The following BUD13 variants were observed in gnomAD, a reference collection of about 807,000 sequenced individuals.
BUD13 encodes BUD13 spliceosome associated protein.
In BUD13, 47 loss-of-function variants were observed where a neutral mutation model predicts 62.5. The ratio of observed to expected loss-of-function variants is 0.75; its 90% confidence interval spans 0.60 to 0.96. BUD13 has a LOEUF of 0.96. Among genes scored for constraint, BUD13 ranks in the 40% least tolerant of loss-of-function variants. BUD13 has a pLI of 0.00. For missense variants in BUD13, 821 were observed against 790.9 expected, an observed-to-expected ratio of 1.04 and a Z score of -0.46; for synonymous variants, 293 against 280.1, an observed-to-expected ratio of 1.05 and a Z score of -0.46.
At position 116,753,969 on chromosome 11, in the gene BUD13, G is replaced by A. The variant is rs143002536; in HGVS notation, c.1766+3177C>T. Reference sequence around the variant, plus strand: ...TACCTTATATAGCTACAGAATATACGTTCTCTTCAAGTGCAAAGGAAACAT... The same window carrying A: ...TACCTTATATAGCTACAGAATATACATTCTCTTCAAGTGCAAAGGAAACAT... On this transcript the variant is annotated intron_variant, in intron 9 of 9. Transcript: ENST00000260210. Among the ~76,000 whole-genome samples, 860 of 152,298 alleles carry A rather than the reference G, an allele frequency of 5.6e-3. 10 individuals are homozygous for A. The highest frequency in any genetic ancestry group is 0.02 in the African/African-American group (817 of 41,558).
intron 9 of BUD13, among the ~76,000 whole-genome samples, chr11:116,748,977 T>C (rs1338899241): frequency 1.2e-5 from 1 of 86,604 alleles, no homozygotes; most frequent in Non-Finnish European, 2.1e-5. Context: ...AGAGACTCTG[T>C]CTCAAAAAAA....
intron 4 of BUD13, among the ~76,000 whole-genome samples, chr11:116,761,938 T>C (rs892993467): frequency 2.0e-5 from 3 of 152,200 alleles, no homozygotes; most frequent in African/African-American, 7.2e-5. Flanking sequence ...GAAATCTATC[T>C]AGAAGTAGAT....
At chr11:116,751,080 C>A (rs1342819032) in intron 9 of BUD13, among the ~76,000 whole-genome samples, 1 of 152,234 alleles carries the variant, frequency 6.6e-6, no homozygotes, top group Non-Finnish European at 1.5e-5. Context: ...TGATCACTCA[C>A]ATCCTCCTAA....
Position 116,758,839 on chromosome 11 carries a change from G to A in BUD13, c.1360+235C>T, listed in dbSNP as rs150233369. Among the ~76,000 whole-genome samples, 2,562 of 151,640 alleles carry A rather than the reference G, an allele frequency of 0.017. 28 individuals carry two copies. The highest frequency in any genetic ancestry group is 0.048 in the Middle Eastern group (14 of 294). On this transcript the variant is annotated intron_variant, in intron 6 of 9. Transcript: ENST00000260210. ...ACTACAGACCTCAGCTGATCCACCC[G>A]CCTCGGCCTACCAAAGTGCTGGGAT... is the stretch of plus-strand genomic sequence containing the variant.
intron 3 of BUD13, among the ~76,000 whole-genome samples, chr11:116,764,962 A>AC (rs1454029231): frequency 6.6e-6 from 1 of 152,036 alleles, no homozygotes; most frequent in Admixed American, 6.6e-5. Context: ...CTGGTCCTTG[A>AC]CCCCCCAGAA....
At chr11:116,767,562 C>T (rs1424551875) in intron 2 of BUD13, among the ~76,000 whole-genome samples, 9 of 134,400 alleles carry the variant, frequency 6.7e-5, no homozygotes, top group African/African-American at 2.3e-4. Context: ...CACTGCACTC[C>T]AGCCTGGGCA....
chr11:116,769,035 A>T (rs1183454699), intron 2 of BUD13, among the ~76,000 whole-genome samples: 1 of 149,254 alleles, frequency 6.7e-6, no homozygotes. Context: ...AAAAAAAAAG[A>T]ATTTTGCTGG....
At chr11:116,755,728 CT>C in intron 9 of BUD13, among the ~76,000 whole-genome samples, 1 of 152,222 alleles carries the variant, frequency 6.6e-6, no homozygotes, top group Admixed American at 6.5e-5. Context: ...TGCCATCCTT[CT>C]GTTTTTTCAC....
intron 9 of BUD13, among the ~76,000 whole-genome samples, chr11:116,748,980 C>CAAAA (rs58988682): frequency 4.3e-3 from 371 of 85,512 alleles, no homozygotes; most frequent in Non-Finnish European, 5.7e-3. Flanking sequence ...GACTCTGTCT[C>CAAAA]AAAAAAAAAA....
chr11:116,753,386 TA>T (rs1368470101), intron 9 of BUD13, among the ~76,000 whole-genome samples: 4 of 152,088 alleles, frequency 2.6e-5, no homozygotes, highest in Non-Finnish European at 5.9e-5. Flanking sequence ...TCAGGCCAAT[TA>T]AAAAAATGGC....
chr11:116,769,511 T>C (rs934328286), intron 2 of BUD13, among the ~76,000 whole-genome samples: 16 of 152,322 alleles, frequency 1.1e-4, no homozygotes, highest in Admixed American at 9.1e-4. Flanking sequence ...ACCTCAGCAT[T>C]GTTTTTAAGA....
chr11:116,765,820 C>G (rs1482999225), intron 2 of BUD13, among the ~76,000 whole-genome samples: 1 of 152,216 alleles, frequency 6.6e-6, no homozygotes. Context: ...CCCCATCATG[C>G]CTAGCACTAA....
intron 5 of BUD13, 108 bp from the exon 6 acceptor site, chr11:116,759,287 C>A (rs1179952513): frequency 2.9e-6 from 2 of 695,888 alleles, no homozygotes; most frequent in Non-Finnish European, 5.1e-6. Context: ...AATAATTAAA[C>A]CTAAAACTCT....
At chr11:116,750,570 C>T (rs181878375) in intron 9 of BUD13, among the ~76,000 whole-genome samples, 2 of 152,260 alleles carry the variant, frequency 1.3e-5, no homozygotes, top group Admixed American at 1.3e-4. Context: ...TCACCCCTGA[C>T]CACATCCCCA....
intron 9 of BUD13, among the ~76,000 whole-genome samples, chr11:116,755,240 T>G (rs1028729253): frequency 3.3e-5 from 5 of 152,222 alleles, no homozygotes; most frequent in African/African-American, 1.2e-4. Context: ...AAGTGTAAAT[T>G]AGAATTCTGA....
At chr11:116,769,793 T>C (rs1940590815) in intron 2 of BUD13, among the ~76,000 whole-genome samples, 3 of 152,202 alleles carry the variant, frequency 2.0e-5, no homozygotes, top group Admixed American at 2.0e-4. Flanking sequence ...GGCTCACGCC[T>C]GTAATCCCAG....
intron 9 of BUD13, among the ~76,000 whole-genome samples, chr11:116,750,844 C>T (rs1377841308): frequency 2.0e-5 from 3 of 152,306 alleles, no homozygotes; most frequent in East Asian, 1.9e-4. Context: ...TCTGTGATCA[C>T]GGTCTGCCAA....
Position 116,759,101 on chromosome 11 carries a change from G to T in BUD13, c.1333C>A (p.Gln445Lys). The T allele has an allele frequency of 6.2e-7, 1 of 1,613,280 alleles. No homozygotes were observed. The highest frequency in any genetic ancestry group is 8.5e-7 in the Non-Finnish European group (1 of 1,179,900). ...IQREQQELKEQDQETMAFEAE... is the reference protein window; with the variant it reads ...IQREQQELKEKDQETMAFEAE... ...TCAAATGCCATGGTTTCTTGATCCT[G>T]TTCCTTGAGCTCCTGCTGTTCTCGC... The change falls in exon 6 of 10, where the codon CAG (glutamine) becomes AAG (lysine). Residue 445 changes from glutamine (Q) to lysine (K), a missense_variant. Physicochemically the swap from Gln to Lys is moderately conservative, Grantham distance 53. Around this residue, in one of 2 missense-constraint regions of BUD13, gnomAD observed 800 missense variants for 739.2 expected, o/e 1.08. Coordinates refer to ENST00000260210, the MANE Select transcript of BUD13 (RefSeq NM_032725.4).
At chr11:116,770,048 CTCCGTCTCAAAAAAAAAA>C in intron 2 of BUD13, 63 bp downstream of exon 2, 1 of 1,077,738 alleles carries the variant, frequency 9.3e-7, no homozygotes. Context: ...CAGAGCGAGA[CTCCGTCTCAAAAAAAAAA>C]AAAAAAAGGA....
Sources: allele counts gnomAD v4.1 joint callset (sites outside exome capture counted in the v4.1 genomes callset), GRCh38; gene constraint gnomAD v4.1.1; regional missense constraint gnomAD v4.1.1; transcripts MANE v1.5; gene names NCBI Gene and HGNC (gene_info 2026-07-23, HGNC 2026-07-21).